The following CSMD3 variants were observed in gnomAD, a reference collection of about 807,000 sequenced individuals.
The protein encoded by CSMD3 is CUB and sushi domain-containing protein 3.
CSMD3 carries 177 observed loss-of-function variants against 435.2 expected under a neutral mutation model. That is an observed-to-expected ratio of 0.41 (90% CI 0.36 to 0.46). The LOEUF is 0.46. CSMD3 is among the 20% of genes least tolerant of loss of function. CSMD3 has a pLI of 0.34. For missense variants in CSMD3, 4,265 were observed against 4,504.6 expected (o/e 0.95, Z 1.52); for synonymous variants, 1,656 against 1,520.5 (o/e 1.09, Z -2.07).
intron 6 of CSMD3, among the ~76,000 whole-genome samples, chr8:112,998,315 G>A (rs779044614): frequency 5.0e-4 from 76 of 151,806 alleles, no homozygotes; most frequent in African/African-American, 1.5e-3. Context: ...ACCTACTTGC[G>A]CTATAAATCA....
At chr8:112,959,169 C>T (rs946193808) in intron 7 of CSMD3, among the ~76,000 whole-genome samples, 2 of 151,924 alleles carry the variant, frequency 1.3e-5, no homozygotes, top group Non-Finnish European at 2.9e-5. Flanking sequence ...AAGAAACAGA[C>T]ATGTTTAGTA....
At chr8:112,274,474 G>T (rs1817839985) in intron 59 of CSMD3, among the ~76,000 whole-genome samples, 2 of 152,208 alleles carry the variant, frequency 1.3e-5, no homozygotes, top group African/African-American at 4.8e-5. Context: ...TGGTACCAGA[G>T]TCGACATTGA....
intron 3 of CSMD3, among the ~76,000 whole-genome samples, chr8:113,264,891 T>G (rs937227555): frequency 2.0e-5 from 3 of 151,620 alleles, no homozygotes; most frequent in African/African-American, 7.2e-5. Context: ...TCCTCATTAC[T>G]AATCAATTTT....
intron 10 of CSMD3, among the ~76,000 whole-genome samples, chr8:112,900,241 T>C (rs984659014): frequency 6.6e-6 from 1 of 151,292 alleles, no homozygotes; most frequent in Non-Finnish European, 1.5e-5. Context: ...ATTGGTCTCT[T>C]GTGTGTATAT....
At chr8:112,227,566 A>G (rs990185619) in intron 70 of CSMD3, among the ~76,000 whole-genome samples, 1 of 152,214 alleles carries the variant, frequency 6.6e-6, no homozygotes, top group African/African-American at 2.4e-5. Flanking sequence ...TTTATATCAT[A>G]TCTATTTTAC....
chr8:112,675,045 C>G (rs1320884010), intron 16 of CSMD3, among the ~76,000 whole-genome samples: 1 of 152,018 alleles, frequency 6.6e-6, no homozygotes, highest in Non-Finnish European at 1.5e-5. Context: ...CAGCTAGAAC[C>G]CACTTAAGCT....
intron 6 of CSMD3, among the ~76,000 whole-genome samples, chr8:113,017,079 C>T (rs1231842385): frequency 1.3e-5 from 2 of 151,972 alleles, no homozygotes; most frequent in Non-Finnish European, 2.9e-5. Flanking sequence ...TTCTTAACCA[C>T]TGCATTTCCT....
chr8:113,341,378 A>T (rs1488661040), intron 1 of CSMD3, among the ~76,000 whole-genome samples: 2 of 152,284 alleles, frequency 1.3e-5, no homozygotes, highest in East Asian at 3.9e-4. Flanking sequence ...TATCTAAACT[A>T]CATTTCAATA....
chr8:113,167,228 A>G (rs1482144399), intron 4 of CSMD3, among the ~76,000 whole-genome samples: 2 of 152,144 alleles, frequency 1.3e-5, no homozygotes, highest in South Asian at 2.1e-4. Context: ...AGTGATAGCT[A>G]TTACTTCTAT....
chr8:112,475,604 G>C (rs889127608), intron 31 of CSMD3, among the ~76,000 whole-genome samples: 3 of 151,976 alleles, frequency 2.0e-5, no homozygotes, highest in African/African-American at 4.8e-5. Context: ...TTTTACCTTA[G>C]GTTGGTGCAA....
chr8:112,248,289 C>A (rs1438099566), intron 63 of CSMD3, among the ~76,000 whole-genome samples: 1 of 152,054 alleles, frequency 6.6e-6, no homozygotes, highest in Non-Finnish European at 1.5e-5. Flanking sequence ...AAATTGGAGA[C>A]ATAAGTAAGA....
intron 3 of CSMD3, among the ~76,000 whole-genome samples, chr8:113,225,545 G>A (rs1455656458): frequency 6.6e-6 from 1 of 151,304 alleles, no homozygotes; most frequent in Non-Finnish European, 1.5e-5. Flanking sequence ...TTATAAGTGG[G>A]GGCTAAATGA....
chr8:112,224,558 TCAGA>T lies in CSMD3; in HGVS notation c.*209_*212del. The T allele has an allele frequency of 1.7e-6, 1 of 601,086 alleles. No homozygotes were observed. Among genetic ancestry groups the T allele is most frequent in the Non-Finnish European group, 3.0e-6 (1 of 334,472 alleles). The allele number at this position is 601,086 out of a possible 1,614,324, so 37.2% of individuals were successfully genotyped here. A position where few individuals can be genotyped will look rare whatever the true frequency, so the allele number is the denominator to read the frequency against. ...GCAAATAAACTGTGAGTAAGCACTC[TCAGA>T]GTGCAGCCAAATTTCTGTAAAACTC... On this transcript the variant is annotated 3_prime_UTR_variant, in exon 71 of 71. Transcript: ENST00000297405.
intron 13 of CSMD3, among the ~76,000 whole-genome samples, chr8:112,729,499 G>A (rs184572505): frequency 6.6e-6 from 1 of 152,124 alleles, no homozygotes; most frequent in East Asian, 1.9e-4. Flanking sequence ...TTTTTGCTGT[G>A]GCCCCTCAAA....
chr8:112,964,880 C>T (rs767521705), intron 7 of CSMD3, among the ~76,000 whole-genome samples: 8 of 151,930 alleles, frequency 5.3e-5, no homozygotes, highest in Non-Finnish European at 7.4e-5. Flanking sequence ...AAATATCCTA[C>T]GCAATGCACC....
intron 10 of CSMD3, among the ~76,000 whole-genome samples, chr8:112,919,773 A>G (rs996729147): frequency 2.6e-5 from 4 of 151,906 alleles, no homozygotes; most frequent in Non-Finnish European, 5.9e-5. Context: ...TGTTCTATTT[A>G]CTGCCATGAC....
At chr8:112,506,156 A>C (rs1822489772) in intron 29 of CSMD3, among the ~76,000 whole-genome samples, 1 of 152,260 alleles carries the variant, frequency 6.6e-6, no homozygotes, top group Non-Finnish European at 1.5e-5. Context: ...TCACAAAAAT[A>C]AAATTTTATT....
intron 4 of CSMD3, among the ~76,000 whole-genome samples, chr8:113,147,606 A>C (rs1044736640): frequency 2.6e-5 from 4 of 151,680 alleles, no homozygotes; most frequent in Non-Finnish European, 5.9e-5. Context: ...CAGCTGAAAC[A>C]CTACTGTTCT....
chr8:112,517,352 C>A, intron 27 of CSMD3, 127 bp from the exon 28 acceptor site: 1 of 640,866 alleles, frequency 1.6e-6, no homozygotes, highest in Non-Finnish European at 2.7e-6. Context: ...ACAATAAACA[C>A]TTTCTCCATA....
Sources: allele counts gnomAD v4.1 joint callset (sites outside exome capture counted in the v4.1 genomes callset), GRCh38; gene constraint gnomAD v4.1.1; transcripts MANE v1.5; gene names NCBI Gene and HGNC (gene_info 2026-07-23, HGNC 2026-07-21).